The following DENND1B variants were observed in gnomAD, a reference collection of about 807,000 sequenced individuals.
The protein encoded by DENND1B is DENN domain-containing protein 1B.
A neutral mutation model predicts 90.1 loss-of-function variants in DENND1B; 59 were observed. The observed-to-expected ratio is 0.65, with a 90% confidence interval of 0.53 to 0.81. The LOEUF is 0.81. DENND1B is among the 40% of genes least tolerant of loss of function. The pLI is 0.00. For missense variants in DENND1B, 862 were observed against 912.6 expected (o/e 0.94, Z 0.71); for synonymous variants, 337 against 324.6 (o/e 1.04, Z -0.41).
At chr1:197,520,681 A>G (rs1418283478) in intron 20 of DENND1B, among the ~76,000 whole-genome samples, 1 of 151,964 alleles carries the variant, frequency 6.6e-6, no homozygotes, top group Non-Finnish European at 1.5e-5. Flanking sequence ...GTGCAAAACA[A>G]GGGTACATTT....
chr1:197,543,721 G>T (rs116135944), intron 18 of DENND1B, among the ~76,000 whole-genome samples: 2,434 of 152,208 alleles, frequency 0.016, 31 homozygotes, highest in Non-Finnish European at 0.026. Context: ...TGGCCTTATG[G>T]TTAGGGATCA....
intron 2 of DENND1B, among the ~76,000 whole-genome samples, chr1:197,724,985 A>G (rs1661496165): frequency 6.6e-6 from 1 of 152,092 alleles, no homozygotes. Context: ...AAATAAATCT[A>G]TTTAAATTTC....
chr1:197,585,005 C>A (rs1444018221), intron 14 of DENND1B, among the ~76,000 whole-genome samples: 1 of 152,120 alleles, frequency 6.6e-6, no homozygotes, highest in African/African-American at 2.4e-5. Context: ...TACAGATGAC[C>A]TTTAAATTAC....
At chr1:197,550,182 A>T (rs1164756573) in intron 16 of DENND1B, among the ~76,000 whole-genome samples, 5 of 152,114 alleles carry the variant, frequency 3.3e-5, no homozygotes, top group African/African-American at 1.2e-4. Flanking sequence ...TTCATGTGTA[A>T]AAAATCTACA....
At chr1:197,625,375 A>T (rs1678586006) in intron 10 of DENND1B, among the ~76,000 whole-genome samples, 1 of 152,160 alleles carries the variant, frequency 6.6e-6, no homozygotes, top group African/African-American at 2.4e-5. Flanking sequence ...TTCTTAAAGA[A>T]AAGAATTTTC....
chr1:197,731,403 C>T (rs1257506577), intron 2 of DENND1B, among the ~76,000 whole-genome samples: 4 of 152,066 alleles, frequency 2.6e-5, no homozygotes, highest in Non-Finnish European at 2.9e-5. Context: ...AATTAATTCC[C>T]ATTTAGGTTG....
Position 197,696,050 on chromosome 1 carries a change from C to A in DENND1B, c.126+18981G>T, listed in dbSNP as rs145623523. Among the ~76,000 whole-genome samples the A allele has an allele frequency of 4.6e-5, 7 of 151,100 alleles. No homozygotes were observed. The East Asian group carries it at 1.2e-3, about 25-fold the overall frequency. On this transcript the variant is annotated intron_variant, in intron 3 of 22. Transcript: ENST00000620048. ...CTCCTACCTGCATCCTTTTTTTATT[C>A]AATAATGACCCATCCTTTTTATATT...
chr1:197,558,449 T>C (rs1324730539), intron 15 of DENND1B, among the ~76,000 whole-genome samples: 1 of 151,832 alleles, frequency 6.6e-6, no homozygotes, highest in Non-Finnish European at 1.5e-5. Flanking sequence ...ATGATCTTTT[T>C]GCTTTCGGAG....
rs895627092 is a variant in DENND1B, at chr1:197,674,225, C to G, written c.127-56G>C. On this transcript the variant is annotated intron_variant, in intron 3 of 22. Coordinates refer to ENST00000620048, the MANE Select transcript of DENND1B (RefSeq NM_001195215.2). Reference sequence around the variant, plus strand: ...AAGTTTTAGAATATTTTTTAAGAAGCAGTTAAAACTTCTTTGAGACATTTT... The same window carrying G: ...AAGTTTTAGAATATTTTTTAAGAAGGAGTTAAAACTTCTTTGAGACATTTT... The G allele has an allele frequency of 1.5e-5, 20 of 1,309,486 alleles. No homozygotes were observed. The African/African-American group carries it at 2.6e-4, about 17-fold the overall frequency. The allele number at this position is 1,309,486 out of a possible 1,614,324, so 81.1% of individuals were successfully genotyped here. A position where few individuals can be genotyped will look rare whatever the true frequency, so the allele number is the denominator to read the frequency against.
intron 5 of DENND1B, among the ~76,000 whole-genome samples, chr1:197,670,447 G>GTGTGTGTGTGTGTGTGTGTGTT (rs1655380230): frequency 1.4e-5 from 2 of 146,454 alleles, no homozygotes; most frequent in African/African-American, 5.1e-5. Context: ...GGAAGACTGT[G>GTGTGTGTGTGTGTGTGTGTGTT]TGTGTGTGTG....
chr1:197,597,335 C>T (rs955109050), intron 13 of DENND1B, among the ~76,000 whole-genome samples: 8 of 151,234 alleles, frequency 5.3e-5, no homozygotes, highest in Non-Finnish European at 1.2e-4. Flanking sequence ...CCTCCACCCC[C>T]AAAAAAGATT....
intron 2 of DENND1B, chr1:197,735,689 G>C: frequency 1.2e-6 from 2 of 1,614,110 alleles, no homozygotes; most frequent in South Asian, 1.1e-5. Context: ...CCGGACACGG[G>C]AGGCGCTACG....
chr1:197,754,080 A>T (rs1011487045), intron 2 of DENND1B, among the ~76,000 whole-genome samples: 1 of 151,822 alleles, frequency 6.6e-6, no homozygotes, highest in East Asian at 1.9e-4. Context: ...ACTAAAAAAA[A>T]CCTGTAAATT....
chr1:197,583,084 T>C lies in DENND1B; in HGVS notation c.1149+68A>G. On this transcript the variant is annotated intron_variant, in intron 15 of 22. Transcript: ENST00000620048. Reference sequence around the variant, plus strand: ...TACTCAGGGTTTGTACATAGTTTTATAGTAATACAAATGTGTAAAACTGAC... The same window carrying C: ...TACTCAGGGTTTGTACATAGTTTTACAGTAATACAAATGTGTAAAACTGAC... 2.9e-6 allele frequency: 4 copies of C among 1,400,302 alleles called. No individual in the cohort carries two copies. In the South Asian group the frequency reaches 3.5e-5, roughly 12 times the overall value. 86.7% of individuals were successfully genotyped at this position (1,400,302 alleles called of 1,614,324 possible). A position where few individuals can be genotyped will look rare whatever the true frequency, so the allele number is the denominator to read the frequency against.
At chr1:197,670,871 A>G (rs536114482) in intron 5 of DENND1B, among the ~76,000 whole-genome samples, 1 of 152,216 alleles carries the variant, frequency 6.6e-6, no homozygotes, top group Non-Finnish European at 1.5e-5. Flanking sequence ...TTTAAGCATG[A>G]CATTCTTTTG....
At chr1:197,673,573 A>G (rs1655749278) in intron 4 of DENND1B, among the ~76,000 whole-genome samples, 1 of 152,152 alleles carries the variant, frequency 6.6e-6, no homozygotes, top group South Asian at 2.1e-4. Context: ...TTTCAACTCT[A>G]TGCAATTTCA....
At position 197,537,046 on chromosome 1, in the gene DENND1B, A is replaced by AG. The variant is rs1210901933; in HGVS notation, c.1515+2917_1515+2918insC. Among the ~76,000 whole-genome samples, 50 of 150,144 alleles carry AG rather than the reference A, an allele frequency of 3.3e-4. 1 individual carries two copies. The highest frequency in any genetic ancestry group is 6.4e-4 in the Non-Finnish European group (43 of 67,372). On this transcript the variant is annotated intron_variant, in intron 20 of 22. Coordinates refer to ENST00000620048, the MANE Select transcript of DENND1B (RefSeq NM_001195215.2). ...ACAGAGCAAGACTCCGTCTCAGAGA[A>AG]AAAAAAAAAAAGATACATACAACAC...
chr1:197,584,913 T>A (rs183529273), intron 14 of DENND1B, among the ~76,000 whole-genome samples: 141 of 152,166 alleles, frequency 9.3e-4, no homozygotes, highest in African/African-American at 3.4e-3. Context: ...GCTCAAGTGA[T>A]CTCCCCACCT....
At chr1:197,698,552 A>G (rs986547217) in intron 3 of DENND1B, among the ~76,000 whole-genome samples, 2 of 152,076 alleles carry the variant, frequency 1.3e-5, no homozygotes, top group African/African-American at 4.8e-5. Context: ...AAGACAAGAA[A>G]TAACTAAGAT....
Sources: gnomAD v4.1 joint callset for allele counts (sites outside exome capture counted in the v4.1 genomes callset) on GRCh38, gnomAD v4.1.1 for gene constraint, MANE v1.5 for transcripts, NCBI Gene and HGNC (gene_info 2026-07-23, HGNC 2026-07-21) for gene names.